Variants in IPPK observed in about 807,000 individuals in gnomAD.
IPPK encodes IPK1 homolog.
IPPK carries 22 observed loss-of-function variants against 64.6 expected under a neutral mutation model. That is an observed-to-expected ratio of 0.34 (90% confidence interval 0.24 to 0.49). The LOEUF (loss-of-function observed/expected upper bound fraction) is 0.49, where lower values mean the gene tolerates loss of function less well. IPPK is among the 20% of genes least tolerant of loss of function. The pLI is 0.99. For missense variants in IPPK, 532 were observed against 630.7 expected, an observed-to-expected ratio of 0.84 and a Z score of 1.68; for synonymous variants, 262 against 247.2, an observed-to-expected ratio of 1.06 and a Z score of -0.56.
chr9:92,629,995 T>G (rs1399764696), intron 11 of IPPK, among the ~76,000 whole-genome samples: 2 of 152,022 alleles, frequency 1.3e-5, no homozygotes, highest in Non-Finnish European at 2.9e-5. Flanking sequence ...CCTCAAAAAT[T>G]TAAACATAAA....
intron 4 of IPPK, among the ~76,000 whole-genome samples, chr9:92,651,417 C>T (rs56155308): frequency 6.6e-6 from 1 of 151,968 alleles, no homozygotes; most frequent in Admixed American, 6.6e-5. Flanking sequence ...AAGGGAGAGG[C>T]GAAGGGATGG....
At position 92,640,784 on chromosome 9, in the gene IPPK, T is replaced by TA; in HGVS notation, c.564-3dup. 6.2e-7 allele frequency: 1 copy of TA among 1,607,734 alleles called. No individual in the cohort carries two copies. The highest frequency in any genetic ancestry group is 8.5e-7 in the Non-Finnish European group (1 of 1,174,214). On this transcript the variant is annotated splice_region_variant and splice_polypyrimidine_tract_variant and intron_variant, in intron 7 of 12. Coordinates refer to ENST00000287996, the MANE Select transcript of IPPK (RefSeq NM_022755.6). ...GCAAAGTGCATTCTCTGTTTGTTTC[T>TA]AAAAGGGAAAAGCATTAACATGCTT...
chr9:92,624,780 A>T (rs1851705079), intron 11 of IPPK, among the ~76,000 whole-genome samples: 1 of 152,228 alleles, frequency 6.6e-6, no homozygotes, highest in Non-Finnish European at 1.5e-5. Flanking sequence ...GGATGCTGAG[A>T]AAGGACTTAC....
intron 11 of IPPK, among the ~76,000 whole-genome samples, chr9:92,624,321 A>C (rs942783469): frequency 2.6e-5 from 4 of 152,130 alleles, no homozygotes; most frequent in African/African-American, 9.7e-5. Context: ...CTACTAAAAA[A>C]TACAAAAATT....
chr9:92,666,737 T>A (rs1160869616), intron 1 of IPPK, among the ~76,000 whole-genome samples: 1 of 152,152 alleles, frequency 6.6e-6, no homozygotes, highest in African/African-American at 2.4e-5. Context: ...CGTCTCTGAG[T>A]GGAAGGGCCT....
At chr9:92,619,451 G>C (rs1328315279) in intron 12 of IPPK, 35 bp downstream of exon 12, 1 of 1,526,380 alleles carries the variant, frequency 6.6e-7, no homozygotes, top group Admixed American at 1.9e-5. Flanking sequence ...AACCCCGTTA[G>C]ACCCAGGCTG....
At position 92,656,369 on chromosome 9, in the gene IPPK, A is replaced by G. The variant is rs1852372743; in HGVS notation, c.225+87T>C. 3.6e-5 allele frequency: 31 copies of G among 859,846 alleles called. No individual in the cohort carries two copies. The South Asian group carries it at 4.0e-4, about 11-fold the overall frequency. 53.3% of individuals were successfully genotyped at this position (859,846 alleles called of 1,614,324 possible). ...ACTAGCTGGACGCGGGTTATCATTA[A>G]GCACAAAGTTCCAAAGATCACCGGG... On this transcript the variant is annotated intron_variant, in intron 3 of 12. Coordinates refer to ENST00000287996, the MANE Select transcript of IPPK (RefSeq NM_022755.6).
intron 11 of IPPK, among the ~76,000 whole-genome samples, chr9:92,630,283 C>T (rs1302606006): frequency 2.6e-5 from 4 of 152,122 alleles, no homozygotes; most frequent in East Asian, 1.9e-4. Flanking sequence ...CAGCCACAAA[C>T]GACCACACAT....
intron 11 of IPPK, among the ~76,000 whole-genome samples, chr9:92,621,378 A>C (rs1452423543): frequency 6.6e-6 from 1 of 152,188 alleles, no homozygotes; most frequent in South Asian, 2.1e-4. Context: ...GAAAACATAG[A>C]TAAAACAAAA....
intron 9 of IPPK, among the ~76,000 whole-genome samples, chr9:92,637,599 C>A (rs1464831573): frequency 1.3e-5 from 2 of 152,220 alleles, no homozygotes; most frequent in Non-Finnish European, 2.9e-5. Flanking sequence ...TGTGGTAGGA[C>A]CCAGCCCTGC....
intron 11 of IPPK, chr9:92,620,064 C>T (rs1022154386): frequency 7.1e-5 from 12 of 169,146 alleles, no homozygotes; most frequent in African/African-American, 2.6e-4. Context: ...CACCCTTCTA[C>T]AGGCTGTGCA....
intron 11 of IPPK, among the ~76,000 whole-genome samples, chr9:92,620,970 G>A (rs1301299221): frequency 6.6e-6 from 1 of 152,208 alleles, no homozygotes; most frequent in East Asian, 1.9e-4. Flanking sequence ...CAGTTCTAGA[G>A]GCTGGGATGT....
intron 6 of IPPK, 62 bp from the exon 7 acceptor site, chr9:92,642,872 T>A: frequency 8.0e-7 from 1 of 1,252,102 alleles, no homozygotes. Flanking sequence ...CTGTGCCAAC[T>A]GAACACACAG....
At chr9:92,616,117 C>T (rs1276511484) in intron 12 of IPPK, 60 bp from the exon 13 acceptor site, 9 of 1,157,130 alleles carry the variant, frequency 7.8e-6, no homozygotes, top group Admixed American at 2.2e-5. Flanking sequence ...CCCTCCCTCC[C>T]GTTCTCTCTC....
In IPPK at chr9:92,638,215, T is replaced by G. The variant is rs1431852091; in HGVS notation, c.702A>C (p.Ala234=). Residue 234 remains alanine (A), a synonymous_variant, in exon 9 of 13, where the codon GCA becomes GCC. Coordinates refer to ENST00000287996, the MANE Select transcript of IPPK (RefSeq NM_022755.6). ...GGAAGAAGAACGGCTTCAGGTGGTG[T>G]GCAAGCTCGCTCCAGTCAGCCACGG... ...RSPVADWSEL[A]HHLKPFFFPS... is the part of the protein sequence containing the mutation. 3.7e-6 allele frequency: 6 copies of G among 1,614,218 alleles called. No individual in the cohort carries two copies. The highest frequency in any genetic ancestry group is 3.3e-5 in the South Asian group (3 of 91,084).
intron 1 of IPPK, among the ~76,000 whole-genome samples, chr9:92,661,437 C>A (rs1261968577): frequency 3.3e-5 from 5 of 152,300 alleles, no homozygotes; most frequent in Admixed American, 1.3e-4. Context: ...ACTGTGCTGC[C>A]CCCCAGGAGA....
chr9:92,653,807 C>G (rs1401794221), intron 3 of IPPK, among the ~76,000 whole-genome samples: 4 of 152,202 alleles, frequency 2.6e-5, no homozygotes, highest in African/African-American at 9.7e-5. Flanking sequence ...TGAGATCACG[C>G]CACTCCAGCC....
intron 1 of IPPK, among the ~76,000 whole-genome samples, chr9:92,659,632 C>T (rs1852441165): frequency 6.6e-6 from 1 of 152,068 alleles, no homozygotes; most frequent in Admixed American, 6.5e-5. Context: ...GGGAAGCGCC[C>T]CTGCCGAGGC....
At chr9:92,656,357 G>A (rs368772728) in intron 3 of IPPK, 99 bp downstream of exon 3, 70 of 778,424 alleles carry the variant, frequency 9.0e-5, no homozygotes, top group East Asian at 6.8e-4. Flanking sequence ...AGCTGGACGC[G>A]GGTTATCATT....
Sources: allele counts gnomAD v4.1 joint callset (sites outside exome capture counted in the v4.1 genomes callset), GRCh38; gene constraint gnomAD v4.1.1; transcripts MANE v1.5; gene names NCBI Gene and HGNC (gene_info 2026-07-23, HGNC 2026-07-21).